IL12RB2: variants seen among roughly 807,000 people sequenced by gnomAD.
The protein encoded by IL12RB2 is interleukin 12 receptor subunit beta 2, also known as interleukin-12 receptor subunit beta-2.
IL12RB2 carries 82 observed loss-of-function variants against 89.4 expected under a neutral mutation model. The ratio of observed to expected loss-of-function variants is 0.92; its 90% CI spans 0.77 to 1.10. IL12RB2 has a LOEUF of 1.10. Among genes scored for constraint, IL12RB2 ranks in the 50% least tolerant of loss-of-function variants. IL12RB2 has a pLI of 0.00. For synonymous variants in IL12RB2, 368 were observed against 370.1 expected (o/e 0.99, Z 0.07); for missense variants, 963 against 1,031.9 (o/e 0.93, Z 0.92).
At chr1:67,390,197 T>C (rs1665654360) in intron 16 of IL12RB2, 69 bp downstream of exon 16, 1 of 835,086 alleles carries the variant, frequency 1.2e-6, no homozygotes, top group Non-Finnish European at 2.1e-6. Flanking sequence ...TTTTCCATTG[T>C]AGTTACGAGG....
chr1:67,395,983 C>T lies in IL12RB2; in HGVS notation c.2483C>T (p.Ser828Phe). 3.1e-6 allele frequency: 5 copies of T among 1,604,914 alleles called. No homozygotes were observed. The highest frequency in any genetic ancestry group is 4.3e-6 in the Non-Finnish European group (5 of 1,171,546). ...GAAGAACTGGAGCCTCAGCACATCT[C>T]CCTTTCTGTTTTCCCCTCAAGTTCT... is the stretch of plus-strand genomic sequence containing the variant. ...SLEELEPQHI[S>F]LSVFPSSSLH... Residue 828 changes from serine (S) to phenylalanine (F), a missense_variant, in exon 17 of 17, where the codon TCC becomes TTC. Physicochemically the swap from Ser to Phe is radical, Grantham distance 155 (BLOSUM62 -2). Coordinates refer to ENST00000674203, the MANE Select transcript of IL12RB2 (RefSeq NM_001374259.2).
intron 13 of IL12RB2, among the ~76,000 whole-genome samples, chr1:67,375,923 T>C (rs979094573): frequency 6.6e-6 from 1 of 150,628 alleles, no homozygotes; most frequent in African/African-American, 2.4e-5. Context: ...CTCGGCTCAC[T>C]GCAAGCTCTG....
chr1:67,384,531 TTGTC>T (rs1664938566), intron 14 of IL12RB2, among the ~76,000 whole-genome samples: 1 of 152,194 alleles, frequency 6.6e-6, no homozygotes, highest in South Asian at 2.1e-4. Context: ...ATTTTCCCCA[TTGTC>T]TTGGTAATTA....
At chr1:67,343,922 T>G (rs1323572414) in intron 9 of IL12RB2, among the ~76,000 whole-genome samples, 1 of 152,144 alleles carries the variant, frequency 6.6e-6, no homozygotes, top group Non-Finnish European at 1.5e-5. Flanking sequence ...AAGCTCCTCT[T>G]TAGTATTAGA....
intron 14 of IL12RB2, among the ~76,000 whole-genome samples, 191 bp downstream of exon 14, chr1:67,380,314 T>TA (rs1395404453): frequency 6.6e-6 from 1 of 152,220 alleles, no homozygotes; most frequent in Admixed American, 6.5e-5. Context: ...AGACAATGTC[T>TA]ACTCATGTTT....
At chr1:67,334,425 T>C (rs934598764) in intron 8 of IL12RB2, among the ~76,000 whole-genome samples, 2 of 152,220 alleles carry the variant, frequency 1.3e-5, no homozygotes, top group African/African-American at 2.4e-5. Flanking sequence ...AAACTTTATT[T>C]ATGTATGCTG....
Position 67,390,132 on chromosome 1 carries a change from A to T in IL12RB2, c.2046+4A>T. ...TAAGAAATATCCCATTGCAGAGGTA[A>T]GGTACAATTCCTCTGTGGTCAGTCA... On this transcript the variant is annotated splice_donor_region_variant and intron_variant, in intron 16 of 16. Coordinates refer to ENST00000674203, the MANE Select transcript of IL12RB2 (RefSeq NM_001374259.2). The T allele has an allele frequency of 9.6e-7, 1 of 1,041,868 alleles. No homozygotes were observed. Among genetic ancestry groups the T allele is most frequent in the Non-Finnish European group, 1.5e-6 (1 of 656,490 alleles). 64.5% of individuals were successfully genotyped at this position (1,041,868 alleles called of 1,614,324 possible). A position where few individuals can be genotyped will look rare whatever the true frequency, so the allele number is the denominator to read the frequency against.
intron 14 of IL12RB2, among the ~76,000 whole-genome samples, chr1:67,381,270 G>C (rs1360596471): frequency 1.3e-5 from 2 of 152,114 alleles, no homozygotes; most frequent in Non-Finnish European, 2.9e-5. Flanking sequence ...AGCTAGCATG[G>C]GCTTCCCTCC....
intron 4 of IL12RB2, among the ~76,000 whole-genome samples, chr1:67,325,636 T>C (rs953184354): frequency 1.3e-5 from 2 of 152,260 alleles, no homozygotes; most frequent in Non-Finnish European, 2.9e-5. Flanking sequence ...ATACCCATTT[T>C]ATAGATTCAA....
intron 1 of IL12RB2, among the ~76,000 whole-genome samples, chr1:67,309,782 A>G (rs370475900): frequency 6.6e-6 from 1 of 152,162 alleles, no homozygotes; most frequent in Non-Finnish European, 1.5e-5. Flanking sequence ...TCAGTTGTGG[A>G]CTTATTTTTG....
chr1:67,377,943 T>C (rs1053718032), intron 13 of IL12RB2, among the ~76,000 whole-genome samples: 1 of 151,854 alleles, frequency 6.6e-6, no homozygotes, highest in Non-Finnish European at 1.5e-5. Flanking sequence ...CTGGCCAACA[T>C]GGTGAAACTC....
At chr1:67,323,040 C>T (rs1656786076) in intron 4 of IL12RB2, among the ~76,000 whole-genome samples, 2 of 152,146 alleles carry the variant, frequency 1.3e-5, no homozygotes, top group African/African-American at 4.8e-5. Context: ...GGCTGGCTGA[C>T]CAAGCCTCAT....
At chr1:67,342,872 A>C (rs1569919984) in intron 9 of IL12RB2, among the ~76,000 whole-genome samples, 1 of 81,062 alleles carries the variant, frequency 1.2e-5, no homozygotes, top group African/African-American at 3.5e-5. Flanking sequence ...TGATCCTCCC[A>C]CCTCAGCCTC....
intron 4 of IL12RB2, among the ~76,000 whole-genome samples, chr1:67,324,148 T>C (rs147002204): frequency 4.2e-4 from 64 of 152,358 alleles, no homozygotes; most frequent in African/African-American, 1.5e-3. Flanking sequence ...GTATACACTG[T>C]GTAAATATAT....
intron 14 of IL12RB2, among the ~76,000 whole-genome samples, chr1:67,382,971 T>C (rs6685676): frequency 0.47 from 71,069 of 152,048 alleles, 18,795 homozygotes; most frequent in Non-Finnish European, 0.58. Context: ...GCTGTGGACA[T>C]TGCATATACC....
chr1:67,381,377 T>G (rs192540221), intron 14 of IL12RB2, among the ~76,000 whole-genome samples: 125 of 152,282 alleles, frequency 8.2e-4, no homozygotes, highest in Middle Eastern at 6.8e-3. Flanking sequence ...AAGCATCAAG[T>G]TGATCATTCA....
At chr1:67,358,668 TAA>T (rs1300255112) in intron 10 of IL12RB2, among the ~76,000 whole-genome samples, 3 of 150,930 alleles carry the variant, frequency 2.0e-5, no homozygotes, top group Admixed American at 6.6e-5. Context: ...GATGTAAGGA[TAA>T]AAGAGAGAGA....
chr1:67,387,161 C>T (rs944838415), intron 15 of IL12RB2, among the ~76,000 whole-genome samples: 4 of 151,066 alleles, frequency 2.6e-5, no homozygotes, highest in Non-Finnish European at 5.9e-5. Flanking sequence ...AACTCCTGAC[C>T]TCAAGTGATC....
In IL12RB2 at chr1:67,329,728, T is replaced by C. The variant is rs370130487; in HGVS notation, c.806T>C (p.Met269Thr). 1 of 1,603,276 alleles carries C rather than the reference T, an allele frequency of 6.2e-7. No individual in the cohort carries two copies. Among genetic ancestry groups the C allele is most frequent in the African/African-American group, 1.3e-5 (1 of 74,710 alleles). The change falls in exon 7 of 17, where the codon ATG becomes ACG. Residue 269 changes from methionine (M) to threonine (T), a missense_variant and splice_region_variant. Physicochemically the swap from Met to Thr is moderately conservative, Grantham distance 81 (BLOSUM62 -1). Coordinates refer to ENST00000674203, the MANE Select transcript of IL12RB2 (RefSeq NM_001374259.2). ...CCCAGTAACAGCAGGCTCTGGAATA[T>C]GGTAATTATCTTTAGAGTGAAGGAA... ...YRPSNSRLWN[M>T]VNVTKAKGRH...
Sources: gnomAD v4.1 joint callset for allele counts (sites outside exome capture counted in the v4.1 genomes callset) on GRCh38, gnomAD v4.1.1 for gene constraint, MANE v1.5 for transcripts, NCBI Gene and HGNC (gene_info 2026-07-23, HGNC 2026-07-21) for gene names.